PARD3B: variants seen among roughly 807,000 people sequenced by gnomAD.
The protein encoded by PARD3B is par-3 family cell polarity regulator beta.
Under a neutral mutation model 130.2 loss-of-function variants are expected in PARD3B, and 103 were observed. The observed-to-expected ratio is 0.79, with a 90% CI of 0.67 to 0.93. The LOEUF is 0.93. Among genes scored for constraint, PARD3B ranks in the 40% least tolerant of loss-of-function variants. PARD3B has a pLI of 0.00. For missense variants in PARD3B, 1,609 were observed against 1,499.2 expected (o/e 1.07, Z -1.21); for synonymous variants, 583 against 553.2 (o/e 1.05, Z -0.76).
At chr2:205,051,720 C>G (rs1699203742) in intron 4 of PARD3B, among the ~76,000 whole-genome samples, 2 of 152,160 alleles carry the variant, frequency 1.3e-5, no homozygotes, top group Admixed American at 1.3e-4. Flanking sequence ...GATGTACACT[C>G]TCAGACATGC....
chr2:204,698,593 T>C (rs2037729987), intron 2 of PARD3B, among the ~76,000 whole-genome samples: 1 of 152,002 alleles, frequency 6.6e-6, no homozygotes. Context: ...TTAACACATC[T>C]ATTAAGATGT....
At chr2:205,126,752 CA>C (rs4045004) in intron 10 of PARD3B, among the ~76,000 whole-genome samples, 17 of 74,448 alleles carry the variant, frequency 2.3e-4, no homozygotes, top group African/African-American at 9.7e-4. Flanking sequence ...GACTCCGTCT[CA>C]AAAAAAAAAA....
chr2:205,430,085 A>G (rs918077209), intron 19 of PARD3B, among the ~76,000 whole-genome samples: 1 of 152,250 alleles, frequency 6.6e-6, no homozygotes, highest in Non-Finnish European at 1.5e-5. Context: ...AAACTTAATT[A>G]CATGTACAGA....
At position 205,321,923 on chromosome 2, in the gene PARD3B, AC is replaced by A. The variant is rs1574694843; in HGVS notation, c.2630+20224del. ...ATATCCTTGTGATAAAGCGTCGGTA[AC>A]CATTAAATTTGGTGCAGAGTGCTTG... On this transcript the variant is annotated intron_variant, in intron 18 of 22. Coordinates refer to ENST00000406610, the MANE Select transcript of PARD3B (RefSeq NM_001302769.2). This position sits in a 1 kb window ranked among gnomAD's most constrained non-coding sequence, Gnocchi z 4.2. Among the ~76,000 whole-genome samples the A allele has an allele frequency of 6.6e-6, 1 of 152,202 alleles. No individual in the cohort carries two copies. The highest frequency in any genetic ancestry group is 1.9e-4 in the East Asian group (1 of 5,200).
At chr2:205,143,537 T>A (rs1033353277) in intron 10 of PARD3B, among the ~76,000 whole-genome samples, 5 of 152,212 alleles carry the variant, frequency 3.3e-5, no homozygotes, top group African/African-American at 1.2e-4. Flanking sequence ...ACACTGATTT[T>A]ACAGGAATTA....
At position 204,967,411 on chromosome 2, in the gene PARD3B, T is replaced by C. The variant is rs924350405; in HGVS notation, c.394+2088T>C. ...TCTTTACACTGTGTGCTTTCTCCAGTCCCTACTGTTGCCAGAGCTGCCTTT... is the reference window on the plus strand; with the variant it reads ...TCTTTACACTGTGTGCTTTCTCCAGCCCCTACTGTTGCCAGAGCTGCCTTT... On this transcript the variant is annotated intron_variant, in intron 3 of 22. Coordinates refer to ENST00000406610, the MANE Select transcript of PARD3B (RefSeq NM_001302769.2). The surrounding 1 kb of genome is among the most constrained non-coding windows in gnomAD (Gnocchi z 4.4). Among the ~76,000 whole-genome samples, 1 of 152,140 alleles carries C rather than the reference T, an allele frequency of 6.6e-6. No homozygotes were observed. Among genetic ancestry groups the C allele is most frequent in the African/African-American group, 2.4e-5 (1 of 41,420 alleles).
intron 5 of PARD3B, among the ~76,000 whole-genome samples, chr2:205,112,957 T>C (rs1450484591): frequency 1.3e-5 from 2 of 152,338 alleles, no homozygotes; most frequent in East Asian, 3.9e-4. Context: ...TTTTGATTTA[T>C]ATTGCTTTGA....
intron 4 of PARD3B, among the ~76,000 whole-genome samples, chr2:205,082,596 GGTGTTT>G (rs1374712052): frequency 6.6e-6 from 1 of 151,822 alleles, no homozygotes; most frequent in Non-Finnish European, 1.5e-5. Flanking sequence ...ATTCTGCCTA[GGTGTTT>G]GTTAATTTTT....
At chr2:204,760,127 TAA>T (rs1245935020) in intron 2 of PARD3B, among the ~76,000 whole-genome samples, 2 of 152,076 alleles carry the variant, frequency 1.3e-5, no homozygotes, top group Non-Finnish European at 2.9e-5. Flanking sequence ...TTAATTAGTT[TAA>T]GTTTTTATAT....
At chr2:204,565,741 C>T (rs1223674677) in intron 1 of PARD3B, among the ~76,000 whole-genome samples, 6 of 152,074 alleles carry the variant, frequency 3.9e-5, no homozygotes, top group African/African-American at 1.4e-4. Context: ...GAATAAATAT[C>T]CAGAGTTCAT....
At chr2:205,319,606 G>T (rs1207439) in intron 18 of PARD3B, among the ~76,000 whole-genome samples, 48,251 of 151,978 alleles carry the variant, frequency 0.32, 10,298 homozygotes, top group African/African-American at 0.61. Context: ...GATTTTCCTC[G>T]CCATTTTTCA....
At chr2:204,995,594 G>A (rs1166689561) in intron 3 of PARD3B, among the ~76,000 whole-genome samples, 2 of 82,804 alleles carry the variant, frequency 2.4e-5, no homozygotes, top group African/African-American at 5.1e-5. Context: ...TCTTTGTGGC[G>A]TTCTCTGTAT....
chr2:204,756,971 T>C (rs952342775), intron 2 of PARD3B, among the ~76,000 whole-genome samples: 1 of 152,156 alleles, frequency 6.6e-6, no homozygotes, highest in African/African-American at 2.4e-5. Context: ...TGTCCATGTA[T>C]ATCCAATGTT....
Position 205,281,001 on chromosome 2 carries a change from G to A in PARD3B, c.2186-19529G>A, listed in dbSNP as rs955727531. Among the ~76,000 whole-genome samples the A allele has an allele frequency of 6.6e-6, 1 of 152,132 alleles. No individual in the cohort carries two copies. The highest frequency in any genetic ancestry group is 1.5e-5 in the Non-Finnish European group (1 of 68,026). On this transcript the variant is annotated intron_variant, in intron 16 of 22. Coordinates refer to ENST00000406610, the MANE Select transcript of PARD3B (RefSeq NM_001302769.2). This position sits in a 1 kb window ranked among gnomAD's most constrained non-coding sequence, Gnocchi z 4.2. ...AGCCATAAATTTTAACTTTACTTAT[G>A]AGCAAAGGCTGAAACACTGTGAAAG...
intron 5 of PARD3B, among the ~76,000 whole-genome samples, chr2:205,111,699 C>T (rs758548820): frequency 6.6e-6 from 1 of 152,028 alleles, no homozygotes; most frequent in African/African-American, 2.4e-5. Flanking sequence ...TGGATGCTAT[C>T]TCTCAGCATG....
chr2:205,361,440 G>A (rs1012487700), intron 18 of PARD3B, among the ~76,000 whole-genome samples: 2 of 152,124 alleles, frequency 1.3e-5, no homozygotes, highest in Non-Finnish European at 2.9e-5. Context: ...ACACACTGAC[G>A]AATTCTTCTT....
At chr2:204,826,234 T>A (rs1230263344) in intron 2 of PARD3B, among the ~76,000 whole-genome samples, 1 of 152,172 alleles carries the variant, frequency 6.6e-6, no homozygotes, top group Admixed American at 6.5e-5. Flanking sequence ...TGTCTGAGGT[T>A]TCCAGGAGTT....
intron 2 of PARD3B, among the ~76,000 whole-genome samples, chr2:204,896,457 C>A (rs765509396): frequency 4.6e-5 from 7 of 151,988 alleles, no homozygotes; most frequent in Non-Finnish European, 1.0e-4. Flanking sequence ...GGTGGCACCT[C>A]GGACATGTTT....
chr2:205,414,893 A>T (rs1468756799), intron 19 of PARD3B, among the ~76,000 whole-genome samples: 1 of 152,110 alleles, frequency 6.6e-6, no homozygotes, highest in Non-Finnish European at 1.5e-5. Context: ...AAAAAAGTAA[A>T]ATTTTAGCTG....
Sources: gnomAD v4.1 joint callset for allele counts (sites outside exome capture counted in the v4.1 genomes callset) on GRCh38, gnomAD v4.1.1 for gene constraint, Gnocchi (gnomAD v3.1) non-coding constraint, MANE v1.5 for transcripts, NCBI Gene and HGNC (gene_info 2026-07-23, HGNC 2026-07-21) for gene names.